Variants in ABTB2 observed in about 807,000 individuals in gnomAD.
ABTB2 encodes ankyrin repeat and BTB domain containing 2.
In ABTB2, 56 loss-of-function variants were observed where a neutral mutation model predicts 104.1. The ratio of observed to expected loss-of-function variants is 0.54; its 90% CI spans 0.43 to 0.67. ABTB2 has a LOEUF of 0.67. ABTB2 is among the 30% of genes least tolerant of loss of function. The pLI is 0.00. For synonymous variants in ABTB2, 606 were observed against 608.2 expected (o/e 1.00, Z 0.05); for missense variants, 1,279 against 1,407.7 (o/e 0.91, Z 1.46).
Position 34,162,732 on chromosome 11 carries a change from C to G in ABTB2, c.2062G>C (p.Ala688Pro). 1 of 1,611,568 alleles carries G rather than the reference C, an allele frequency of 6.2e-7. No homozygotes were observed. Among genetic ancestry groups the G allele is most frequent in the Non-Finnish European group, 8.5e-7 (1 of 1,180,022 alleles). Reference sequence around the variant, plus strand: ...GCATCACTTTCCTCCACACCCTCGGCCAGGATCTCCTCCAGGGACAGCACG... The same window carrying G: ...GCATCACTTTCCTCCACACCCTCGGGCAGGATCTCCTCCAGGGACAGCACG... ...ADVLSLEEIL[A>P]EGVEESDASS... is the part of the protein sequence containing the mutation. Residue 688 changes from alanine (A) to proline (P), a missense_variant, in exon 10 of 17, where the codon GCC becomes CCC. By Grantham distance (27) the Ala-to-Pro change is conservative (BLOSUM62 -1). Transcript: ENST00000435224.
At chr11:34,239,796 T>C (rs1181568209) in intron 1 of ABTB2, among the ~76,000 whole-genome samples, 1 of 152,174 alleles carries the variant, frequency 6.6e-6, no homozygotes, top group African/African-American at 2.4e-5. Context: ...GGGGGCCAAC[T>C]GCAGCTGTCA....
intron 3 of ABTB2, among the ~76,000 whole-genome samples, chr11:34,190,272 C>CACAAA (rs1554981975): frequency 8.7e-6 from 1 of 115,122 alleles, no homozygotes; most frequent in African/African-American, 3.3e-5. Flanking sequence ...GCTGCCCCCC[C>CACAAA]AAAAAAAAAA....
chr11:34,295,348 A>C (rs1854609651), intron 1 of ABTB2, among the ~76,000 whole-genome samples: 1 of 152,176 alleles, frequency 6.6e-6, no homozygotes, highest in Non-Finnish European at 1.5e-5. Flanking sequence ...AGGAGGAGGA[A>C]CGAGTCCCTG....
chr11:34,245,349 T>C (rs1232009466), intron 1 of ABTB2, among the ~76,000 whole-genome samples: 3 of 152,180 alleles, frequency 2.0e-5, no homozygotes, highest in Non-Finnish European at 1.5e-5. Flanking sequence ...TTGGATTCTT[T>C]GGTTTTCCTC....
chr11:34,309,091 G>A (rs1482381820), intron 1 of ABTB2, among the ~76,000 whole-genome samples: 1 of 152,212 alleles, frequency 6.6e-6, no homozygotes, highest in African/African-American at 2.4e-5. Context: ...AGCCAAAGAA[G>A]CGTAAACTTC....
intron 2 of ABTB2, among the ~76,000 whole-genome samples, chr11:34,201,597 A>T (rs978687041): frequency 6.6e-6 from 1 of 152,156 alleles, no homozygotes; most frequent in Non-Finnish European, 1.5e-5. Flanking sequence ...GAGTTAATGC[A>T]TGTAAACTCA....
At chr11:34,345,547 ATCATTTGTC>A (rs1855320827) in intron 1 of ABTB2, among the ~76,000 whole-genome samples, 1 of 150,430 alleles carries the variant, frequency 6.6e-6, no homozygotes, top group South Asian at 2.1e-4. Flanking sequence ...CCCCGCCATC[ATCATTTGTC>A]TCCTCAAAGA....
chr11:34,277,710 G>T (rs930289667), intron 1 of ABTB2, among the ~76,000 whole-genome samples: 1 of 151,410 alleles, frequency 6.6e-6, no homozygotes, highest in African/African-American at 2.4e-5. Context: ...AACCCAGGAG[G>T]CAGAGCTTAT....
At chr11:34,183,339 A>T (rs1027579496) in intron 3 of ABTB2, among the ~76,000 whole-genome samples, 8 of 152,194 alleles carry the variant, frequency 5.3e-5, no homozygotes, top group African/African-American at 1.9e-4. Flanking sequence ...GACTCAAGCC[A>T]ACTGCCTACC....
At chr11:34,321,322 T>C (rs79677179) in intron 1 of ABTB2, among the ~76,000 whole-genome samples, 2,248 of 152,306 alleles carry the variant, frequency 0.015, 40 homozygotes, top group African/African-American at 0.047. Context: ...GAGTGTGCCA[T>C]ATTCAATTGA....
chr11:34,308,875 A>T, intron 1 of ABTB2, among the ~76,000 whole-genome samples: 1 of 138,916 alleles, frequency 7.2e-6, no homozygotes, highest in Non-Finnish European at 1.6e-5. Flanking sequence ...TCTCAAAAAA[A>T]AAAAAAAAAA....
chr11:34,234,229 A>T lies in ABTB2; in HGVS notation c.884-29539T>A, dbSNP rs191156938. Among the ~76,000 whole-genome samples, 24 of 152,272 alleles carry T rather than the reference A, an allele frequency of 1.6e-4. No individual in the cohort carries two copies. The East Asian group carries it at 4.6e-3, about 29-fold the overall frequency. ...GCCTAAAGCAGGCTGTGAGTCACTC[A>T]GATGAGCTTCCGGGTGAAGTCATGC... On this transcript the variant is annotated intron_variant, in intron 1 of 16. Transcript: ENST00000435224.
At chr11:34,309,877 A>T (rs1230685827) in intron 1 of ABTB2, among the ~76,000 whole-genome samples, 1 of 151,498 alleles carries the variant, frequency 6.6e-6, no homozygotes, top group Non-Finnish European at 1.5e-5. Flanking sequence ...TGTCAGCTTT[A>T]ACAAATTTTT....
intron 1 of ABTB2, among the ~76,000 whole-genome samples, chr11:34,240,253 T>C (rs1853896241): frequency 6.6e-6 from 1 of 152,118 alleles, no homozygotes; most frequent in Non-Finnish European, 1.5e-5. Context: ...CACCGAAACT[T>C]TTCCATTTGA....
chr11:34,346,355 C>T (rs927617795), intron 1 of ABTB2, among the ~76,000 whole-genome samples: 6 of 152,076 alleles, frequency 3.9e-5, no homozygotes, highest in African/African-American at 1.5e-4. Flanking sequence ...ATGAAGTCAC[C>T]TCGGAGCTGG....
intron 1 of ABTB2, among the ~76,000 whole-genome samples, chr11:34,342,160 C>T (rs1419831403): frequency 6.6e-6 from 1 of 152,238 alleles, no homozygotes; most frequent in Non-Finnish European, 1.5e-5. Flanking sequence ...GCAACCAATA[C>T]ACACAACCTT....
intron 1 of ABTB2, among the ~76,000 whole-genome samples, chr11:34,279,612 T>C (rs56380225): frequency 6.6e-6 from 1 of 152,084 alleles, no homozygotes; most frequent in African/African-American, 2.4e-5. Context: ...CTTTATACTA[T>C]GTACAGTGGG....
chr11:34,232,567 T>C (rs1036274295), intron 1 of ABTB2, among the ~76,000 whole-genome samples: 1 of 152,116 alleles, frequency 6.6e-6, no homozygotes, highest in African/African-American at 2.4e-5. Context: ...TCTCGAGACC[T>C]TCTGAAGCCC....
chr11:34,191,869 G>A (rs770433816), intron 3 of ABTB2, among the ~76,000 whole-genome samples: 12 of 152,094 alleles, frequency 7.9e-5, no homozygotes, highest in Non-Finnish European at 1.3e-4. Context: ...CCCCATCGCC[G>A]GTCTCTCTGG....
Sources: gnomAD v4.1 joint callset for allele counts (sites outside exome capture counted in the v4.1 genomes callset) on GRCh38, gnomAD v4.1.1 for gene constraint, MANE v1.5 for transcripts, NCBI Gene and HGNC (gene_info 2026-07-23, HGNC 2026-07-21) for gene names.